The following PPEF1 variants were observed in gnomAD, a reference collection of about 807,000 sequenced individuals.
PPEF1 encodes protein phosphatase with EF-hand domain 1.
Under a neutral mutation model 53.3 loss-of-function variants are expected in PPEF1, and 12 were observed. That is an observed-to-expected ratio of 0.23 (90% CI 0.14 to 0.36). PPEF1 has a LOEUF of 0.36. Ranked by LOEUF, PPEF1 falls within the 10% of genes least tolerant of loss-of-function variation. The pLI is 1.00. For synonymous variants in PPEF1, 165 were observed against 176.7 expected, an observed-to-expected ratio of 0.93 and a Z score of 0.52; for missense variants, 334 against 490.4, an observed-to-expected ratio of 0.68 and a Z score of 3.01.
chrX:18,817,687 C>T (rs2046950067), intron 12 of PPEF1, among the ~76,000 whole-genome samples: 1 of 111,187 alleles, frequency 9.0e-6, no homozygotes, highest in South Asian at 3.7e-4. Context: ...TCAGTCTTCT[C>T]TTGTGTCAAC....
At chrX:18,724,511 C>T (rs1047855323) in intron 1 of PPEF1, among the ~76,000 whole-genome samples, 2 of 112,325 alleles carry the variant, frequency 1.8e-5, no homozygotes, top group Admixed American at 9.5e-5. Flanking sequence ...AAACCACCTA[C>T]TGGCCACAGA....
intron 10 of PPEF1, among the ~76,000 whole-genome samples, chrX:18,798,692 C>T (rs1018614915): frequency 9.0e-6 from 1 of 110,688 alleles, no homozygotes; most frequent in Non-Finnish European, 1.9e-5. Context: ...GGTGCGATCT[C>T]GGCTCAATGC....
At chrX:18,756,236 A>T (rs893165569) in intron 4 of PPEF1, among the ~76,000 whole-genome samples, 1 of 110,431 alleles carries the variant, frequency 9.1e-6, no homozygotes, top group Admixed American at 9.6e-5. Flanking sequence ...CTGGAGTGCA[A>T]TGGCGCAATC....
At chrX:18,765,802 G>A (rs2045752999) in intron 6 of PPEF1, among the ~76,000 whole-genome samples, 1 of 110,987 alleles carries the variant, frequency 9.0e-6, no homozygotes, top group African/African-American at 3.3e-5. Flanking sequence ...AGTGGCTCAT[G>A]CCTGCAATCC....
At chrX:18,707,079 G>A (rs1271177220), upstream of PPEF1, among the ~76,000 whole-genome samples, 2 of 109,660 alleles carry the variant, frequency 1.8e-5, no homozygotes, top group Non-Finnish European at 3.8e-5. Flanking sequence ...CGCCCGCCTC[G>A]GCCTCCCAAA....
intron 10 of PPEF1, among the ~76,000 whole-genome samples, chrX:18,794,587 C>T (rs182632396): frequency 1.8e-5 from 2 of 112,883 alleles, no homozygotes; most frequent in East Asian, 5.6e-4. Flanking sequence ...AGCACCTCCT[C>T]CTTATGATTG....
intron 15 of PPEF1, among the ~76,000 whole-genome samples, chrX:18,826,194 G>T (rs1023232943): frequency 3.0e-4 from 33 of 110,724 alleles, no homozygotes; most frequent in African/African-American, 1.1e-3. Flanking sequence ...TAATATTATT[G>T]TTATTTCAGT....
intron 6 of PPEF1, among the ~76,000 whole-genome samples, chrX:18,767,809 C>G (rs2045806954): frequency 9.1e-6 from 1 of 110,323 alleles, no homozygotes; most frequent in Admixed American, 9.7e-5. Flanking sequence ...GGAAGAAGCA[C>G]ATCTCAAAGG....
chrX:18,770,895 A>G (rs2045859092), intron 6 of PPEF1, among the ~76,000 whole-genome samples: 1 of 112,759 alleles, frequency 8.9e-6, no homozygotes, highest in African/African-American at 3.2e-5. Context: ...AATGAGTTGG[A>G]GAGATTTTCA....
intron 1 of PPEF1, among the ~76,000 whole-genome samples, chrX:18,713,064 G>A (rs1303448448): frequency 9.0e-6 from 1 of 111,689 alleles, no homozygotes; most frequent in Non-Finnish European, 1.9e-5. Context: ...ATATTCATAA[G>A]AGATACTGAT....
intron 4 of PPEF1, among the ~76,000 whole-genome samples, chrX:18,752,557 T>C (rs1485654023): frequency 9.0e-6 from 1 of 111,237 alleles, no homozygotes; most frequent in East Asian, 2.8e-4. Context: ...AAAGTAGGCA[T>C]GTTTATCTTG....
At chrX:18,817,293 G>C (rs2046939822) in intron 12 of PPEF1, among the ~76,000 whole-genome samples, 1 of 110,799 alleles carries the variant, frequency 9.0e-6, no homozygotes, top group East Asian at 2.8e-4. Flanking sequence ...CTACTGAATT[G>C]CAATACCTCT....
At chrX:18,705,543 A>G (rs2044176792), upstream of PPEF1, among the ~76,000 whole-genome samples, 1 of 111,182 alleles carries the variant, frequency 9.0e-6, no homozygotes, top group Non-Finnish European at 1.9e-5. Flanking sequence ...GTGAGACCCC[A>G]TGTCTACAAA....
intron 13 of PPEF1, 81 bp from the exon 14 acceptor site, chrX:18,823,842 G>C (rs942234397): frequency 2.7e-5 from 29 of 1,069,494 alleles, no homozygotes; most frequent in Non-Finnish European, 3.0e-5. Context: ...GCCCCATGCT[G>C]CCCTGGCTCT....
At chrX:18,783,764 T>C in intron 8 of PPEF1, 135 bp from the exon 9 acceptor site, 1 of 559,206 alleles carries the variant, frequency 1.8e-6, no homozygotes, top group Non-Finnish European at 2.9e-6. Flanking sequence ...GATGAATACA[T>C]GCTAATTGGT....
intron 1 of PPEF1, among the ~76,000 whole-genome samples, chrX:18,719,290 A>C (rs1394716894): frequency 9.0e-6 from 1 of 110,679 alleles, no homozygotes; most frequent in Non-Finnish European, 1.9e-5. Flanking sequence ...GGTATAAATG[A>C]AGCATCACAT....
chrX:18,820,620 C>T (rs187046874), intron 13 of PPEF1, among the ~76,000 whole-genome samples: 20 of 110,703 alleles, frequency 1.8e-4, no homozygotes, highest in Admixed American at 1.9e-4. Flanking sequence ...CTCCTGACCT[C>T]GTGATCCACC....
chrX:18,687,266 A>G (rs1388022309), intron 3 of PPEF1, among the ~76,000 whole-genome samples: 1 of 111,233 alleles, frequency 9.0e-6, no homozygotes, highest in African/African-American at 3.3e-5. Flanking sequence ...GCCACCTAGA[A>G]CAAAACGGGG....
At chrX:18,741,140 G>A (rs1385390969) in intron 3 of PPEF1, among the ~76,000 whole-genome samples, 1 of 111,669 alleles carries the variant, frequency 9.0e-6, no homozygotes, top group Non-Finnish European at 1.9e-5. Context: ...AATGGGGAGT[G>A]GGTGGAAGTG....
Sources: gnomAD v4.1 joint callset for allele counts (sites outside exome capture counted in the v4.1 genomes callset) on GRCh38, gnomAD v4.1.1 for gene constraint, MANE v1.5 for transcripts, NCBI Gene and HGNC (gene_info 2026-07-23, HGNC 2026-07-21) for gene names.